The following ROCK1 variants were observed in gnomAD, a reference collection of about 807,000 sequenced individuals.
The protein encoded by ROCK1 is Rho associated coiled-coil containing protein kinase 1.
A neutral mutation model predicts 196.8 loss-of-function variants in ROCK1; 36 were observed. The observed-to-expected ratio is 0.18, with a 90% CI of 0.14 to 0.24. The LOEUF is 0.24. Ranked by LOEUF, ROCK1 falls within the 10% of genes least tolerant of loss-of-function variation. ROCK1 has a pLI of 1.00. For missense variants in ROCK1, 920 were observed against 1,562.0 expected, an observed-to-expected ratio of 0.59 and a Z score of 6.93; for synonymous variants, 443 against 515.9, an observed-to-expected ratio of 0.86 and a Z score of 1.91.
chr18:20,968,698 T>A, intron 25 of ROCK1, 74 bp downstream of exon 25: 1 of 879,036 alleles, frequency 1.1e-6, no homozygotes, highest in Non-Finnish European at 1.9e-6. Context: ...AAGCCTTGGT[T>A]TTAGGAAAAA....
At chr18:21,023,496 A>G (rs2143468747) in intron 11 of ROCK1, 124 bp downstream of exon 11, 3 of 464,358 alleles carry the variant, frequency 6.5e-6, no homozygotes, top group Non-Finnish European at 1.1e-5. Context: ...AAAGTGCCAT[A>G]AAAATCTAAG....
intron 29 of ROCK1, among the ~76,000 whole-genome samples, chr18:20,959,069 T>TACTA: frequency 2.2e-5 from 1 of 44,692 alleles, no homozygotes; most frequent in Admixed American, 4.8e-4. Context: ...ATATTTTATA[T>TACTA]TATATAATAT....
chr18:21,076,853 C>CA lies in ROCK1; in HGVS notation c.94-6241dup, dbSNP rs770165065. On this transcript the variant is annotated intron_variant, in intron 1 of 32. Transcript: ENST00000399799. ...AGTTCTGGAAAATTTAGGTTTATAG[C>CA]AAAAAACAAGCAAATATCCAATCAA... Among the ~76,000 whole-genome samples the CA allele has an allele frequency of 2.0e-5, 3 of 151,162 alleles. No homozygotes were observed. The South Asian group carries it at 6.3e-4, about 32-fold the overall frequency.
intron 22 of ROCK1, among the ~76,000 whole-genome samples, chr18:20,972,173 TA>T (rs1438685222): frequency 6.6e-6 from 1 of 152,168 alleles, no homozygotes; most frequent in Admixed American, 6.5e-5. Context: ...AGTCTATACA[TA>T]ATTTTTAGTT....
intron 32 of ROCK1, among the ~76,000 whole-genome samples, chr18:20,952,308 G>A (rs1224556246): frequency 6.6e-6 from 1 of 152,058 alleles, no homozygotes; most frequent in African/African-American, 2.4e-5. Context: ...CTTGAACCTG[G>A]GAGGCAGAGG....
chr18:21,072,155 C>A (rs957830234), intron 1 of ROCK1, among the ~76,000 whole-genome samples: 20 of 152,166 alleles, frequency 1.3e-4, no homozygotes, highest in African/African-American at 4.6e-4. Flanking sequence ...ACATGGGCAT[C>A]TGAGTTTTGC....
chr18:20,957,220 T>A (rs1598506155), intron 29 of ROCK1, among the ~76,000 whole-genome samples: 1 of 152,400 alleles, frequency 6.6e-6, no homozygotes, highest in South Asian at 2.1e-4. Context: ...ATAAGTCTTA[T>A]TTACGATAGC....
At chr18:21,073,521 G>A (rs549872356) in intron 1 of ROCK1, among the ~76,000 whole-genome samples, 3 of 152,058 alleles carry the variant, frequency 2.0e-5, no homozygotes, top group Admixed American at 6.6e-5. Context: ...ACATCATTTA[G>A]GATTAAATCC....
chr18:21,024,607 C>G (rs1375659074), intron 10 of ROCK1, among the ~76,000 whole-genome samples: 2 of 152,026 alleles, frequency 1.3e-5, no homozygotes, highest in Non-Finnish European at 2.9e-5. Context: ...GTTAACACAC[C>G]AGATATTAAT....
chr18:20,996,855 C>T (rs1159609353), intron 16 of ROCK1, among the ~76,000 whole-genome samples: 9 of 152,094 alleles, frequency 5.9e-5, no homozygotes, highest in Admixed American at 3.3e-4. Flanking sequence ...TTGTTAATGC[C>T]ATCACTGTTA....
intron 16 of ROCK1, among the ~76,000 whole-genome samples, chr18:21,003,881 GAAGCACTTCTGGTTCC>G (rs1464266365): frequency 6.6e-6 from 1 of 151,956 alleles, no homozygotes; most frequent in Non-Finnish European, 1.5e-5. Context: ...TCCAAAATCT[GAAGCACTTCTGGTTCC>G]AAGCAAACAA....
chr18:20,957,524 G>A (rs142627136), intron 29 of ROCK1, among the ~76,000 whole-genome samples: 22,604 of 131,280 alleles, frequency 0.17, no homozygotes, highest in East Asian at 0.32. Flanking sequence ...TCTGTCACCC[G>A]GGCTGCAGTG....
intron 2 of ROCK1, among the ~76,000 whole-genome samples, chr18:21,062,989 C>T (rs969645657): frequency 1.1e-4 from 17 of 152,100 alleles, no homozygotes; most frequent in Non-Finnish European, 2.2e-4. Context: ...AGAATGGATA[C>T]TGTCTTAGTC....
intron 16 of ROCK1, among the ~76,000 whole-genome samples, chr18:21,003,253 C>G (rs2035741512): frequency 6.6e-6 from 1 of 151,950 alleles, no homozygotes; most frequent in Non-Finnish European, 1.5e-5. Flanking sequence ...GTTTCTTTAA[C>G]CGAAAACAAC....
intron 1 of ROCK1, among the ~76,000 whole-genome samples, chr18:21,083,741 TACATATA>T (rs1220332700): frequency 7.8e-4 from 119 of 152,372 alleles, no homozygotes; most frequent in African/African-American, 2.8e-3. Flanking sequence ...TACATATATT[TACATATA>T]ACATACAAAA....
chr18:20,979,546 C>T (rs1223999167), intron 22 of ROCK1, among the ~76,000 whole-genome samples: 1 of 151,648 alleles, frequency 6.6e-6, no homozygotes, highest in Non-Finnish European at 1.5e-5. Flanking sequence ...CGCTTGAACC[C>T]GGGAGGTGGA....
At chr18:20,991,664 TC>T (rs1471009535) in intron 17 of ROCK1, among the ~76,000 whole-genome samples, 1 of 152,022 alleles carries the variant, frequency 6.6e-6, no homozygotes, top group African/African-American at 2.4e-5. Context: ...AGATGAGGTC[TC>T]ACTCTGTCAC....
chr18:21,087,702 G>C (rs533880071), intron 1 of ROCK1, among the ~76,000 whole-genome samples: 2 of 152,158 alleles, frequency 1.3e-5, no homozygotes, highest in South Asian at 4.1e-4. Flanking sequence ...AATGAAAAGA[G>C]AAATAGACAA....
chr18:21,012,498 A>G (rs2035827577), intron 13 of ROCK1, among the ~76,000 whole-genome samples: 1 of 151,950 alleles, frequency 6.6e-6, no homozygotes, highest in Admixed American at 6.6e-5. Flanking sequence ...TTCTGATAAG[A>G]AATCAGCTGT....
Sources: gnomAD v4.1 joint callset for allele counts (sites outside exome capture counted in the v4.1 genomes callset) on GRCh38, gnomAD v4.1.1 for gene constraint, MANE v1.5 for transcripts, NCBI Gene and HGNC (gene_info 2026-07-23, HGNC 2026-07-21) for gene names.